ACADL: variants seen among roughly 807,000 people sequenced by gnomAD.
The protein encoded by ACADL is long-chain specific acyl-CoA dehydrogenase, mitochondrial.
In ACADL, 60 loss-of-function variants were observed where a neutral mutation model predicts 56.9. The observed-to-expected ratio is 1.05, with a 90% CI of 0.86 to 1.31. The LOEUF is 1.31. Among genes scored for constraint, ACADL ranks in the 50% most tolerant of loss-of-function variants. The pLI is 0.00. For missense variants in ACADL, 484 were observed against 525.5 expected (o/e 0.92, Z 0.77); for synonymous variants, 158 against 179.7 (o/e 0.88, Z 0.97).
At chr2:210,220,348 A>C (rs1021779980) in intron 2 of ACADL, among the ~76,000 whole-genome samples, 1 of 152,162 alleles carries the variant, frequency 6.6e-6, no homozygotes, top group African/African-American at 2.4e-5. Context: ...GAAGCAGAAA[A>C]AGAAAGACTA....
chr2:210,224,047 G>A (rs1689223292), intron 1 of ACADL, among the ~76,000 whole-genome samples: 1 of 151,756 alleles, frequency 6.6e-6, no homozygotes, highest in African/African-American at 2.4e-5. Context: ...TCAATATGGT[G>A]AAACCCCCGT....
At chr2:210,219,201 T>G (rs141509750) in intron 2 of ACADL, among the ~76,000 whole-genome samples, 173 of 152,350 alleles carry the variant, frequency 1.1e-3, no homozygotes, top group African/African-American at 3.8e-3. Flanking sequence ...TTATTTTATT[T>G]CAAAGCCTTC....
In ACADL at chr2:210,205,825, C is replaced by G. The variant is rs1437397972; in HGVS notation, c.604-29G>C. The G allele has an allele frequency of 2.5e-6, 4 of 1,611,576 alleles. No homozygotes were observed. In the African/African-American group the frequency reaches 5.3e-5, roughly 22 times the overall value. On this transcript the variant is annotated intron_variant, in intron 5 of 10. Transcript: ENST00000233710. The stretch of plus-strand genomic sequence containing the variant: ...CAAAACCCCAAGTACATTATTAATG[C>G]ACCATGATAATTCAATTCTATGTGC...
At chr2:210,198,190 CTT>C (rs1328854984) in intron 8 of ACADL, among the ~76,000 whole-genome samples, 1 of 152,082 alleles carries the variant, frequency 6.6e-6, no homozygotes, top group African/African-American at 2.4e-5. Context: ...TGGATGGAGT[CTT>C]TTTCAGAGTT....
Position 210,220,638 on chromosome 2 carries a change from G to C in ACADL, c.233+9C>G. On this transcript the variant is annotated intron_variant, in intron 2 of 10. Coordinates refer to ENST00000233710, the MANE Select transcript of ACADL (RefSeq NM_001608.4). ...TATACATTACATTAGAGGAAAATGT[G>C]CCACTTACTCTGAGTGATGAGGAAT... is the stretch of plus-strand genomic sequence containing the variant. 1 of 1,611,908 alleles carries C rather than the reference G, an allele frequency of 6.2e-7. No homozygotes were observed. Among genetic ancestry groups the C allele is most frequent in the Non-Finnish European group, 8.5e-7 (1 of 1,178,780 alleles).
At chr2:210,210,974 T>A (rs1688969562) in intron 4 of ACADL, among the ~76,000 whole-genome samples, 1 of 152,008 alleles carries the variant, frequency 6.6e-6, no homozygotes, top group Non-Finnish European at 1.5e-5. Context: ...TCAAATGCCA[T>A]TTTTTTCTAA....
chr2:210,216,637 C>T, intron 3 of ACADL, 126 bp from the exon 4 acceptor site: 3 of 868,464 alleles, frequency 3.5e-6, no homozygotes, highest in Non-Finnish European at 5.3e-6. Flanking sequence ...AAACCTATGA[C>T]ATTCCTGAGT....
chr2:210,190,751 T>C (rs976347374), intron 10 of ACADL, among the ~76,000 whole-genome samples: 2 of 152,094 alleles, frequency 1.3e-5, no homozygotes, highest in Non-Finnish European at 2.9e-5. Flanking sequence ...ACACCTCTTA[T>C]CTATGAAACC....
chr2:210,195,400 C>T, intron 8 of ACADL, 62 bp from the exon 9 acceptor site: 3 of 1,496,466 alleles, frequency 2.0e-6, no homozygotes, highest in East Asian at 4.5e-5. Context: ...CTTCAACCCA[C>T]TTAACATATC....
rs762291639 is a variant in ACADL at position 210,203,385 on chromosome 2, G to T, written c.930C>A (p.Thr310=). The T allele has an allele frequency of 1.2e-6, 2 of 1,612,830 alleles. No homozygotes were observed. The highest frequency in any genetic ancestry group is 2.2e-5 in the East Asian group (1 of 44,806). ...CTTTTCTTTGTTTAACATAGTTCCT[G>T]GTTTCTTCAAACATGAATTCACTAG... ...ISASEFMFEE[T]RNYVKQRKAF... The change falls in exon 8 of 11, where the codon ACC becomes ACA. Residue 310 remains threonine, a synonymous_variant. Transcript: ENST00000233710.
chr2:210,225,369 G>T lies in ACADL; in HGVS notation c.-106C>A. The T allele has an allele frequency of 7.7e-7, 1 of 1,302,728 alleles. No homozygotes were observed. Among genetic ancestry groups the T allele is most frequent in the Non-Finnish European group, 1.0e-6 (1 of 960,968 alleles). The allele number at this position is 1,302,728 out of a possible 1,614,324, so 80.7% of individuals were successfully genotyped here. ...GGACGATCAGCTGAGGCGTCCACCT[G>T]TGGTGTCCTCCCAAAAAAGCGCTCG... On this transcript the variant is annotated 5_prime_UTR_variant, in exon 1 of 11. Transcript: ENST00000233710.
chr2:210,216,406 G>T lies in ACADL; in HGVS notation c.477C>A (p.Pro159=), dbSNP rs1689087251. Residue 159 remains proline, a synonymous_variant, in exon 4 of 11, where the codon CCC becomes CCA. Coordinates refer to ENST00000233710, the MANE Select transcript of ACADL (RefSeq NM_001608.4). ...GSEEQIKHFI[P]QMTAGKCIGA... ...CAATACATTTGCCTGCAGTCATCTGGGGAATAAAGTGCTTAATCTGTTCTT... is the reference window on the plus strand; with the variant it reads ...CAATACATTTGCCTGCAGTCATCTGTGGAATAAAGTGCTTAATCTGTTCTT... 1 of 1,613,860 alleles carries T rather than the reference G, an allele frequency of 6.2e-7. No individual in the cohort carries two copies. The highest frequency in any genetic ancestry group is 8.5e-7 in the Non-Finnish European group (1 of 1,179,846).
intron 4 of ACADL, among the ~76,000 whole-genome samples, chr2:210,211,497 T>C (rs977979721): frequency 1.3e-5 from 2 of 152,154 alleles, no homozygotes; most frequent in African/African-American, 2.4e-5. Context: ...GGTGGGCTGA[T>C]TGGATCATGG....
intron 8 of ACADL, among the ~76,000 whole-genome samples, chr2:210,198,558 G>T (rs1688746732): frequency 2.0e-5 from 3 of 152,064 alleles, no homozygotes; most frequent in Non-Finnish European, 2.9e-5. Context: ...GTTGCCCACT[G>T]AGTGAAGGAA....
chr2:210,220,296 A>C (rs1559641951), intron 2 of ACADL, among the ~76,000 whole-genome samples: 1 of 152,174 alleles, frequency 6.6e-6, no homozygotes, highest in Admixed American at 6.5e-5. Flanking sequence ...CAAGGTTTGC[A>C]TTGTGCTGAC....
Position 210,219,400 on chromosome 2 carries a change from G to T in ACADL, c.233+1247C>A, listed in dbSNP as rs951686335. ...GATCGCTTGAGCCCAGAAGTTCAAG[G>T]CTGCAGTGAGCTATGATCATGCCCC... On this transcript the variant is annotated intron_variant, in intron 2 of 10. Coordinates refer to ENST00000233710, the MANE Select transcript of ACADL (RefSeq NM_001608.4). 4.6e-5 allele frequency among the ~76,000 whole-genome samples: 7 copies of T among 152,164 alleles called. No individual in the cohort carries two copies. In the East Asian group the frequency reaches 1.4e-3, roughly 29 times the overall value.
chr2:210,207,717 A>T (rs1176778799), intron 5 of ACADL, among the ~76,000 whole-genome samples: 1 of 152,200 alleles, frequency 6.6e-6, no homozygotes, highest in Admixed American at 6.5e-5. Flanking sequence ...CACAGCACTG[A>T]TACATACAAA....
At chr2:210,212,067 A>G (rs1381480594) in intron 4 of ACADL, among the ~76,000 whole-genome samples, 2 of 151,602 alleles carry the variant, frequency 1.3e-5, no homozygotes, top group Admixed American at 6.6e-5. Flanking sequence ...TCCTGACCTC[A>G]GTTGATCTGC....
chr2:210,206,202 C>T (rs188914001), intron 5 of ACADL, among the ~76,000 whole-genome samples: 2 of 152,148 alleles, frequency 1.3e-5, no homozygotes, highest in East Asian at 3.9e-4. Flanking sequence ...CTTTGGGAGG[C>T]CGAGGCAAGA....
Sources: gnomAD v4.1 joint callset for allele counts (sites outside exome capture counted in the v4.1 genomes callset) on GRCh38, gnomAD v4.1.1 for gene constraint, MANE v1.5 for transcripts, NCBI Gene and HGNC (gene_info 2026-07-23, HGNC 2026-07-21) for gene names.